Variants in GPR176 observed in about 807,000 individuals in gnomAD.
The protein encoded by GPR176 is G-protein coupled receptor 176.
A neutral mutation model predicts 35.4 loss-of-function variants in GPR176; 26 were observed. That is an observed-to-expected ratio of 0.74 (90% CI 0.54 to 1.02). GPR176 has a LOEUF of 1.02. Among genes scored for constraint, GPR176 ranks in the 50% least tolerant of loss-of-function variants. The probability of loss-of-function intolerance (pLI) is 0.00; values close to 1 mark genes in which losing one functional copy is unlikely to be tolerated. For missense variants in GPR176, 597 were observed against 665.3 expected, an observed-to-expected ratio of 0.90 and a Z score of 1.13; for synonymous variants, 278 against 271.3, an observed-to-expected ratio of 1.02 and a Z score of -0.24.
At chr15:39,915,732 A>T (rs1486449552) in intron 1 of GPR176, among the ~76,000 whole-genome samples, 2 of 152,076 alleles carry the variant, frequency 1.3e-5, no homozygotes, top group African/African-American at 4.8e-5. Flanking sequence ...AAAAAAAATT[A>T]GCTGGGCGTG....
At chr15:39,892,362 A>C (rs1252400637) in intron 1 of GPR176, among the ~76,000 whole-genome samples, 3 of 152,248 alleles carry the variant, frequency 2.0e-5, no homozygotes, top group African/African-American at 7.2e-5. Flanking sequence ...ATATGACCAA[A>C]TAAACTGAAG....
rs75386902 is a variant in GPR176 at position 39,865,755 on chromosome 15, T to C, written c.172+54100A>G. On this transcript the variant is annotated intron_variant, in intron 1 of 2. Coordinates refer to ENST00000561100, the MANE Select transcript of GPR176 (RefSeq NM_007223.3). ...CTGCCACCAATTTCTTTAAACCCTA[T>C]GGAAAAAATATCTAACAAATTTACA... 9.2e-3 allele frequency among the ~76,000 whole-genome samples: 1,403 copies of C among 152,260 alleles called. 27 individuals are homozygous for C. Among genetic ancestry groups the C allele is most frequent in the African/African-American group, 0.032 (1,337 of 41,556 alleles).
chr15:39,904,293 C>T (rs551821444), intron 1 of GPR176, among the ~76,000 whole-genome samples: 3 of 152,302 alleles, frequency 2.0e-5, no homozygotes. Context: ...CCTTATTTTA[C>T]CCAGCTTCTG....
intron 1 of GPR176, among the ~76,000 whole-genome samples, chr15:39,808,650 T>C (rs924311307): frequency 3.9e-5 from 6 of 152,222 alleles, no homozygotes; most frequent in African/African-American, 9.6e-5. Flanking sequence ...AGAAAAACTG[T>C]ATCAATCTTG....
At chr15:39,861,194 G>C (rs2031566469) in intron 1 of GPR176, among the ~76,000 whole-genome samples, 1 of 152,106 alleles carries the variant, frequency 6.6e-6, no homozygotes, top group Non-Finnish European at 1.5e-5. Flanking sequence ...CGTAAACATG[G>C]CAGATCTTTT....
intron 1 of GPR176, among the ~76,000 whole-genome samples, chr15:39,861,203 T>C (rs2031566793): frequency 6.6e-6 from 1 of 152,164 alleles, no homozygotes; most frequent in Admixed American, 6.5e-5. Context: ...GGCAGATCTT[T>C]TTAGGAACTA....
Position 39,800,332 on chromosome 15 carries a change from T to C in GPR176, c.*800A>G, listed in dbSNP as rs1781996776. 6.6e-6 allele frequency: 1 copy of C among 152,192 alleles called. No homozygotes were observed. Among genetic ancestry groups the C allele is most frequent in the Admixed American group, 6.5e-5 (1 of 15,284 alleles). 9.4% of individuals were successfully genotyped at this position (152,192 alleles called of 1,614,324 possible). ...GGCATCTCCCCCGTAAGCTTCTCTCTCATTTGTTGAGAAAACACAATTTAA... is the reference window on the plus strand; with the variant it reads ...GGCATCTCCCCCGTAAGCTTCTCTCCCATTTGTTGAGAAAACACAATTTAA... On this transcript the variant is annotated 3_prime_UTR_variant, in exon 3 of 3. Transcript: ENST00000561100.
At chr15:39,824,983 C>A (rs1167615696) in intron 1 of GPR176, among the ~76,000 whole-genome samples, 2 of 151,996 alleles carry the variant, frequency 1.3e-5, no homozygotes, top group East Asian at 3.9e-4. Context: ...AGTGGGAGGA[C>A]TACTTGAGTC....
At chr15:39,890,555 AT>A (rs1435766135) in intron 1 of GPR176, among the ~76,000 whole-genome samples, 1 of 152,200 alleles carries the variant, frequency 6.6e-6, no homozygotes, top group Non-Finnish European at 1.5e-5. Context: ...ATATACTTTG[AT>A]TTTGACTGTA....
chr15:39,858,204 AAAGC>A (rs2031366692), intron 1 of GPR176, among the ~76,000 whole-genome samples: 1 of 152,120 alleles, frequency 6.6e-6, no homozygotes, highest in African/African-American at 2.4e-5. Context: ...TGGCAGAAAA[AAAGC>A]AAGCAAGAAG....
intron 1 of GPR176, among the ~76,000 whole-genome samples, chr15:39,881,372 T>A (rs1456934059): frequency 6.6e-6 from 1 of 152,242 alleles, no homozygotes; most frequent in African/African-American, 2.4e-5. Context: ...TTAAAAGGCA[T>A]GACTGTCTAC....
At chr15:39,832,359 G>A (rs1195315305) in intron 1 of GPR176, among the ~76,000 whole-genome samples, 1 of 152,052 alleles carries the variant, frequency 6.6e-6, no homozygotes, top group Non-Finnish European at 1.5e-5. Flanking sequence ...CAGTATATTT[G>A]TTTCCAATTG....
intron 1 of GPR176, chr15:39,894,600 G>T (rs750573855): frequency 1.3e-4 from 24 of 178,698 alleles, no homozygotes; most frequent in Admixed American, 3.7e-4. Flanking sequence ...GGGCAGAGGC[G>T]CTCCCCACAT....
At chr15:39,902,475 C>T (rs939853783) in intron 1 of GPR176, among the ~76,000 whole-genome samples, 2 of 152,188 alleles carry the variant, frequency 1.3e-5, no homozygotes, top group South Asian at 4.1e-4. Flanking sequence ...ACCTGGCAGA[C>T]GCAGAAAGCT....
chr15:39,857,948 G>A (rs1256956594), intron 1 of GPR176, among the ~76,000 whole-genome samples: 1 of 148,234 alleles, frequency 6.7e-6, no homozygotes, highest in Non-Finnish European at 1.5e-5. Context: ...TCCAGCCTGG[G>A]CAAGAGTGTG....
intron 1 of GPR176, among the ~76,000 whole-genome samples, chr15:39,850,156 T>C (rs1300052889): frequency 6.6e-6 from 1 of 152,200 alleles, no homozygotes; most frequent in East Asian, 1.9e-4. Flanking sequence ...TGTGAAGGCC[T>C]AAGACATGAT....
At chr15:39,811,111 T>G (rs1899517798) in intron 1 of GPR176, among the ~76,000 whole-genome samples, 1 of 152,252 alleles carries the variant, frequency 6.6e-6, no homozygotes, top group African/African-American at 2.4e-5. Flanking sequence ...AGACAGCATA[T>G]AGTTGGCTCT....
chr15:39,874,618 G>A (rs1050797295), intron 1 of GPR176, among the ~76,000 whole-genome samples: 12 of 152,294 alleles, frequency 7.9e-5, no homozygotes, highest in African/African-American at 2.2e-4. Context: ...AGTCATCATT[G>A]TTGCTTCACC....
chr15:39,827,685 C>T (rs770203333), intron 1 of GPR176, among the ~76,000 whole-genome samples: 1 of 152,240 alleles, frequency 6.6e-6, no homozygotes, highest in Admixed American at 6.5e-5. Flanking sequence ...GGTAGGTTGG[C>T]AGTATCTATT....
Sources: gnomAD v4.1 joint callset for allele counts (sites outside exome capture counted in the v4.1 genomes callset) on GRCh38, gnomAD v4.1.1 for gene constraint, MANE v1.5 for transcripts, NCBI Gene and HGNC (gene_info 2026-07-23, HGNC 2026-07-21) for gene names.